ST18: variants seen among roughly 807,000 people sequenced by gnomAD.
The protein encoded by ST18 is suppression of tumorigenicity 18 protein.
Under a neutral mutation model 110.0 loss-of-function variants are expected in ST18, and 50 were observed. That is an observed-to-expected ratio of 0.45 (90% CI 0.36 to 0.58). The LOEUF (loss-of-function observed/expected upper bound fraction) is 0.58, where lower values mean the gene tolerates loss of function less well. ST18 is among the 20% of genes least tolerant of loss of function. The pLI, the probability that ST18 is intolerant of heterozygous loss-of-function variation, is 0.00. For synonymous variants in ST18, 461 were observed against 452.4 expected, an observed-to-expected ratio of 1.02 and a Z score of -0.24; for missense variants, 1,306 against 1,280.1, an observed-to-expected ratio of 1.02 and a Z score of -0.31.
At position 52,149,914 on chromosome 8, in the gene ST18, G is replaced by A; in HGVS notation, c.1870C>T (p.Leu624=). The change falls in exon 16 of 26, where the codon CTG becomes TTG. Residue 624 remains leucine (L), a synonymous_variant. Transcript: ENST00000689386. ...LDLSMKKNRI[L]DKSAPLTSSN... Reference sequence around the variant, plus strand: ...GAAGTTAGGGGTGCAGACTTGTCCAGGATTCGATTTTTTTTCATGCTTAAG... The same window carrying A: ...GAAGTTAGGGGTGCAGACTTGTCCAAGATTCGATTTTTTTTCATGCTTAAG... 6.2e-7 allele frequency: 1 copy of A among 1,614,112 alleles called. No individual in the cohort carries two copies. The highest frequency in any genetic ancestry group is 1.3e-5 in the African/African-American group (1 of 75,028).
intron 2 of ST18, among the ~76,000 whole-genome samples, chr8:52,311,373 T>A (rs2095904425): frequency 6.6e-6 from 1 of 152,176 alleles, no homozygotes; most frequent in Non-Finnish European, 1.5e-5. Context: ...TAGCAGCTCC[T>A]AAGACCCCTG....
intron 2 of ST18, among the ~76,000 whole-genome samples, chr8:52,271,717 C>T (rs752156594): frequency 6.6e-6 from 1 of 152,340 alleles, no homozygotes; most frequent in East Asian, 1.9e-4. Flanking sequence ...TCCCTGAAGA[C>T]AGTAGCTATT....
intron 2 of ST18, among the ~76,000 whole-genome samples, chr8:52,341,098 C>A (rs1814768324): frequency 6.6e-6 from 1 of 152,122 alleles, no homozygotes; most frequent in East Asian, 1.9e-4. Flanking sequence ...CAAACTGCAC[C>A]CTGTAGTTCA....
At chr8:52,160,660 C>A (rs1288104369) in intron 14 of ST18, among the ~76,000 whole-genome samples, 1 of 152,142 alleles carries the variant, frequency 6.6e-6, no homozygotes, top group East Asian at 1.9e-4. Context: ...ACTTTCACAC[C>A]TTTTCATTAG....
chr8:52,154,548 C>G (rs1023130832), intron 15 of ST18: 7 of 152,162 alleles, frequency 4.6e-5, no homozygotes, highest in African/African-American at 1.7e-4. Context: ...CTGCCTGGGG[C>G]CTGTACCGGA....
At chr8:52,314,296 G>A (rs1161724891) in intron 2 of ST18, among the ~76,000 whole-genome samples, 1 of 152,202 alleles carries the variant, frequency 6.6e-6, no homozygotes, top group Non-Finnish European at 1.5e-5. Flanking sequence ...TGTGCCGCTG[G>A]TTGGGTGAGG....
intron 2 of ST18, among the ~76,000 whole-genome samples, chr8:52,239,727 C>A (rs765255058): frequency 6.6e-6 from 1 of 152,162 alleles, no homozygotes; most frequent in Non-Finnish European, 1.5e-5. Context: ...AAGCCAAAGT[C>A]TTCCCTCTCT....
intron 2 of ST18, among the ~76,000 whole-genome samples, chr8:52,367,234 TCTCACACA>T (rs1194426123): frequency 1.7e-4 from 18 of 104,528 alleles, no homozygotes; most frequent in Admixed American, 8.3e-4. Context: ...CGGGACCCTG[TCTCACACA>T]CACACACACA....
At chr8:52,222,436 C>T (rs1468789607) in intron 3 of ST18, among the ~76,000 whole-genome samples, 1 of 152,228 alleles carries the variant, frequency 6.6e-6, no homozygotes, top group Non-Finnish European at 1.5e-5. Flanking sequence ...CAGCCCTCTG[C>T]CCTAACCCCA....
intron 8 of ST18, chr8:52,206,463 C>T (rs2080112432): frequency 6.6e-6 from 1 of 152,212 alleles, no homozygotes; most frequent in South Asian, 2.1e-4. Context: ...AAGAACAGTA[C>T]AGTAAACATA....
At chr8:52,398,192 G>T (rs920757237) in intron 2 of ST18, among the ~76,000 whole-genome samples, 1 of 151,992 alleles carries the variant, frequency 6.6e-6, no homozygotes, top group Admixed American at 6.6e-5. Flanking sequence ...CAATTGAAAT[G>T]GGATCATTTT....
chr8:52,222,476 G>C (rs1248546909), intron 3 of ST18, among the ~76,000 whole-genome samples: 1 of 152,218 alleles, frequency 6.6e-6, no homozygotes, highest in African/African-American at 2.4e-5. Context: ...CTGGGGAAGA[G>C]AGTGAAGGCA....
intron 2 of ST18, among the ~76,000 whole-genome samples, chr8:52,333,897 G>A (rs749328477): frequency 7.3e-5 from 11 of 151,720 alleles, no homozygotes; most frequent in African/African-American, 2.7e-4. Context: ...ACAAGTTTCT[G>A]CAAAGTCTCA....
At chr8:52,226,885 T>C (rs2089641517) in intron 3 of ST18, among the ~76,000 whole-genome samples, 1 of 152,216 alleles carries the variant, frequency 6.6e-6, no homozygotes, top group Admixed American at 6.5e-5. Context: ...GCTTTAGACA[T>C]TTTCCATTTT....
intron 2 of ST18, among the ~76,000 whole-genome samples, chr8:52,338,070 A>G (rs1812976358): frequency 6.6e-6 from 1 of 151,916 alleles, no homozygotes; most frequent in African/African-American, 2.4e-5. Flanking sequence ...TTATTTATTC[A>G]TTTTTGAGAC....
intron 3 of ST18, among the ~76,000 whole-genome samples, chr8:52,226,450 A>T (rs1348905347): frequency 6.6e-6 from 1 of 152,184 alleles, no homozygotes; most frequent in Non-Finnish European, 1.5e-5. Context: ...AAATGTTCAG[A>T]CTTCTTAATG....
chr8:52,118,489 A>T (rs931854076), intron 23 of ST18, 48 bp from the exon 24 acceptor site: 1 of 1,113,080 alleles, frequency 9.0e-7, no homozygotes. Context: ...CTGTTAACAA[A>T]TGAGTCATTA....
intron 2 of ST18, among the ~76,000 whole-genome samples, chr8:52,322,509 A>T (rs941844219): frequency 4.6e-5 from 7 of 152,248 alleles, no homozygotes; most frequent in African/African-American, 1.7e-4. Flanking sequence ...TACTTGAATT[A>T]TATAATACAG....
intron 8 of ST18, chr8:52,210,112 C>T (rs765881945): frequency 4.6e-5 from 21 of 456,068 alleles, no homozygotes; most frequent in South Asian, 3.3e-4. Flanking sequence ...CACGGGCACA[C>T]TGATTCTGCA....
Sources: gnomAD v4.1 joint callset for allele counts (sites outside exome capture counted in the v4.1 genomes callset) on GRCh38, gnomAD v4.1.1 for gene constraint, MANE v1.5 for transcripts, NCBI Gene and HGNC (gene_info 2026-07-23, HGNC 2026-07-21) for gene names.